The following RPH3A variants were observed in gnomAD, a reference collection of about 807,000 sequenced individuals.
RPH3A encodes the protein rabphilin 3A.
In RPH3A, 48 loss-of-function variants were observed where a neutral mutation model predicts 102.2. That is an observed-to-expected ratio of 0.47 (90% CI 0.37 to 0.60). The LOEUF (loss-of-function observed/expected upper bound fraction) is 0.60. RPH3A is among the 20% of genes least tolerant of loss of function. The pLI, the probability that RPH3A is intolerant of heterozygous loss-of-function variation, is 0.00. For missense variants in RPH3A, 781 were observed against 910.1 expected (o/e 0.86, Z 1.83); for synonymous variants, 310 against 324.3 (o/e 0.96, Z 0.47).
intron 14 of RPH3A, among the ~76,000 whole-genome samples, chr12:112,881,159 G>T (rs953027884): frequency 1.8e-4 from 28 of 152,196 alleles, no homozygotes; most frequent in Non-Finnish European, 1.5e-5. Flanking sequence ...GGGATGGACA[G>T]AGTATGTCTA....
chr12:112,824,825 G>C (rs557258926), intron 2 of RPH3A, among the ~76,000 whole-genome samples: 1 of 152,252 alleles, frequency 6.6e-6, no homozygotes, highest in East Asian at 1.9e-4. Context: ...CCTGGTGTGC[G>C]TGACTGAACA....
At chr12:112,680,134 C>T (rs1026887035) in intron 1 of RPH3A, among the ~76,000 whole-genome samples, 4 of 152,000 alleles carry the variant, frequency 2.6e-5, no homozygotes, top group Non-Finnish European at 4.4e-5. Flanking sequence ...GAATGAGGGG[C>T]GAGTGGTATA....
rs556212983 is a variant in RPH3A at position 112,748,534 on chromosome 12, T to C, written c.-139-43609T>C. ...TTTTTTGTAGAGATGGGGGCCTTAC[T>C]ATATTGCTCGGGCTGGTCTTGAACT... is the stretch of plus-strand genomic sequence containing the variant. On this transcript the variant is annotated intron_variant, in intron 1 of 21. Transcript: ENST00000543106. 6.6e-5 allele frequency among the ~76,000 whole-genome samples: 10 copies of C among 152,246 alleles called. No homozygotes were observed. In the South Asian group the frequency reaches 1.7e-3, roughly 25 times the overall value.
At chr12:112,585,474 C>A (rs1157151117) in intron 1 of RPH3A, among the ~76,000 whole-genome samples, 1 of 152,182 alleles carries the variant, frequency 6.6e-6, no homozygotes, top group African/African-American at 2.4e-5. Context: ...GTGGCTCGCA[C>A]CTGTAATCCC....
chr12:112,798,367 A>T (rs1487948504), intron 2 of RPH3A, among the ~76,000 whole-genome samples: 1 of 152,184 alleles, frequency 6.6e-6, no homozygotes, highest in East Asian at 1.9e-4. Flanking sequence ...AATCTGAGTG[A>T]GTTCATTCAG....
Position 112,743,942 on chromosome 12 carries a change from A to G in RPH3A, c.-139-48201A>G, listed in dbSNP as rs184622046. On this transcript the variant is annotated intron_variant, in intron 1 of 21. Transcript: ENST00000543106. ...CACACGCTTTCACCCTCAGGCTCTG[A>G]GCCTGATTATCTTTGTAACCCCCAC... 4.6e-5 allele frequency among the ~76,000 whole-genome samples: 7 copies of G among 152,318 alleles called. No homozygotes were observed. The East Asian group carries it at 9.7e-4, about 21-fold the overall frequency.
upstream of RPH3A, among the ~76,000 whole-genome samples, chr12:112,787,648 CA>C (rs531810142): frequency 1.4e-4 from 22 of 152,324 alleles, no homozygotes; most frequent in Non-Finnish European, 2.6e-4. Context: ...GGTCTTGGTT[CA>C]AATTCCAGTC....
chr12:112,842,313 G>A (rs2042160592), intron 4 of RPH3A, among the ~76,000 whole-genome samples: 1 of 151,120 alleles, frequency 6.6e-6, no homozygotes, highest in Admixed American at 6.6e-5. Flanking sequence ...GCTTTTTGGA[G>A]CATTTACCAA....
intron 1 of RPH3A, among the ~76,000 whole-genome samples, chr12:112,786,675 G>T (rs2041054181): frequency 1.3e-5 from 2 of 152,170 alleles, no homozygotes; most frequent in South Asian, 4.1e-4. Flanking sequence ...TTCAGAACAG[G>T]TTGTAGTATG....
chr12:112,856,957 G>A (rs1160136902), intron 5 of RPH3A, among the ~76,000 whole-genome samples: 2 of 152,018 alleles, frequency 1.3e-5, no homozygotes, highest in South Asian at 4.2e-4. Flanking sequence ...CCAGATATAG[G>A]GCCAGGCAAG....
intron 1 of RPH3A, among the ~76,000 whole-genome samples, chr12:112,581,894 C>T (rs1048573208): frequency 2.7e-5 from 4 of 147,738 alleles, no homozygotes; most frequent in African/African-American, 1.0e-4. Context: ...TTTCTTTTTC[C>T]GTTGAGTAAG....
At chr12:112,878,094 C>T (rs1016397170) in intron 13 of RPH3A, among the ~76,000 whole-genome samples, 7 of 152,200 alleles carry the variant, frequency 4.6e-5, no homozygotes. Flanking sequence ...TCAGCTGTCC[C>T]CCTTCGTGCC....
intron 1 of RPH3A, among the ~76,000 whole-genome samples, chr12:112,647,219 A>G (rs2039937736): frequency 6.6e-6 from 1 of 152,124 alleles, no homozygotes; most frequent in Admixed American, 6.5e-5. Context: ...CAATACCATG[A>G]CAATTACAAC....
chr12:112,611,829 GAAA>G, intron 1 of RPH3A, among the ~76,000 whole-genome samples: 1 of 142,066 alleles, frequency 7.0e-6, no homozygotes, highest in African/African-American at 2.6e-5. Flanking sequence ...TAGCCAGCAA[GAAA>G]AAAAAAAAGG....
chr12:112,890,113 A>G, intron 18 of RPH3A, 33 bp downstream of exon 18: 1 of 1,600,384 alleles, frequency 6.2e-7, no homozygotes, highest in Non-Finnish European at 8.6e-7. Flanking sequence ...AGCCACAGTC[A>G]GGGTCTGTAC....
chr12:112,672,045 T>C (rs914892716), intron 1 of RPH3A, among the ~76,000 whole-genome samples: 1 of 150,604 alleles, frequency 6.6e-6, no homozygotes, highest in Non-Finnish European at 1.5e-5. Context: ...TATTTATATA[T>C]ATATATATGA....
intron 1 of RPH3A, among the ~76,000 whole-genome samples, chr12:112,637,138 A>C (rs2039854473): frequency 6.6e-6 from 1 of 152,156 alleles, no homozygotes; most frequent in Non-Finnish European, 1.5e-5. Flanking sequence ...ATAACCGTTC[A>C]TAATAACATC....
At chr12:112,581,746 T>C (rs2039402756) in intron 1 of RPH3A, among the ~76,000 whole-genome samples, 1 of 148,160 alleles carries the variant, frequency 6.7e-6, no homozygotes. Flanking sequence ...TCCTTCCCTC[T>C]ATACCATGCC....
intron 3 of RPH3A, among the ~76,000 whole-genome samples, chr12:112,835,664 A>T (rs2042037114): frequency 3.3e-5 from 5 of 152,210 alleles, no homozygotes; most frequent in Admixed American, 3.3e-4. Flanking sequence ...ACTAATGCAG[A>T]CACTTATAAT....
Sources: gnomAD v4.1 joint callset for allele counts (sites outside exome capture counted in the v4.1 genomes callset) on GRCh38, gnomAD v4.1.1 for gene constraint, MANE v1.5 for transcripts, NCBI Gene and HGNC (gene_info 2026-07-23, HGNC 2026-07-21) for gene names.